GARNL3: variants seen among roughly 807,000 people sequenced by gnomAD.
GARNL3 encodes the protein GTPase-activating Rap/Ran-GAP domain-like protein 3.
Under a neutral mutation model 125.0 loss-of-function variants are expected in GARNL3, and 63 were observed. That is an observed-to-expected ratio of 0.50 (90% CI 0.41 to 0.62). The LOEUF is 0.62. Among genes scored for constraint, GARNL3 ranks in the 20% least tolerant of loss-of-function variants. GARNL3 has a pLI of 0.00. For synonymous variants in GARNL3, 439 were observed against 457.5 expected, an observed-to-expected ratio of 0.96 and a Z score of 0.52; for missense variants, 994 against 1,244.0, an observed-to-expected ratio of 0.80 and a Z score of 3.02.
intron 17 of GARNL3, among the ~76,000 whole-genome samples, chr9:127,350,324 G>A (rs983129964): frequency 6.6e-6 from 1 of 152,160 alleles, no homozygotes; most frequent in Non-Finnish European, 1.5e-5. Flanking sequence ...GAAAATCGGT[G>A]AAACAAAATG....
chr9:127,236,319 C>T (rs1312622104), intron 1 of GARNL3, among the ~76,000 whole-genome samples: 1 of 152,232 alleles, frequency 6.6e-6, no homozygotes, highest in Non-Finnish European at 1.5e-5. Flanking sequence ...GTTTTCTGCA[C>T]ACTTTTGAAT....
chr9:127,352,377 A>G (rs1054523052), intron 17 of GARNL3, among the ~76,000 whole-genome samples: 1 of 152,200 alleles, frequency 6.6e-6, no homozygotes, highest in Non-Finnish European at 1.5e-5. Context: ...AGCCCTTAGT[A>G]TATGTTACCT....
At chr9:127,279,383 A>T (rs1043859282) in intron 1 of GARNL3, among the ~76,000 whole-genome samples, 2 of 151,880 alleles carry the variant, frequency 1.3e-5, no homozygotes, top group African/African-American at 4.8e-5. Flanking sequence ...AATGGTAAAG[A>T]CCATTTTCTC....
chr9:127,261,643 C>T (rs150616219), upstream of GARNL3, among the ~76,000 whole-genome samples: 1,330 of 152,164 alleles, frequency 8.7e-3, 29 homozygotes, highest in African/African-American at 0.03. Flanking sequence ...GAACTCCCGA[C>T]CTCAGGTGAT....
intron 26 of GARNL3, among the ~76,000 whole-genome samples, chr9:127,389,646 A>C (rs986191390): frequency 1.3e-5 from 2 of 152,130 alleles, no homozygotes; most frequent in Admixed American, 1.3e-4. Context: ...TAACTATGGG[A>C]CTGGGCTCAC....
At chr9:127,387,443 C>A in intron 25 of GARNL3, 112 bp downstream of exon 25, 1 of 1,118,150 alleles carries the variant, frequency 8.9e-7, no homozygotes, top group Non-Finnish European at 1.2e-6. Flanking sequence ...CTATTTAAAG[C>A]CATTAAAAAA....
rs930878545 is a variant in GARNL3, at chr9:127,385,932, A to C, written c.2388+787A>C. 2.0e-5 allele frequency among the ~76,000 whole-genome samples: 3 copies of C among 152,244 alleles called. No homozygotes were observed. The highest frequency in any genetic ancestry group is 4.4e-5 in the Non-Finnish European group (3 of 68,044). On this transcript the variant is annotated intron_variant, in intron 24 of 27. Coordinates refer to ENST00000373387, the MANE Select transcript of GARNL3 (RefSeq NM_032293.5). This position sits in a 1 kb window ranked among gnomAD's most constrained non-coding sequence, Gnocchi z 4.1. The stretch of plus-strand genomic sequence containing the variant: ...TGCTCTGGAAAATGTGTGTGTGTGC[A>C]CATATGTGCATATATGTATGATATG...
chr9:127,359,474 G>A (rs1358128664), intron 21 of GARNL3, among the ~76,000 whole-genome samples: 2 of 149,594 alleles, frequency 1.3e-5, no homozygotes, highest in Non-Finnish European at 3.0e-5. Flanking sequence ...TGGCGACAGA[G>A]TGAGACTCCG....
chr9:127,313,733 G>A (rs1327181133), intron 4 of GARNL3, among the ~76,000 whole-genome samples, 174 bp downstream of exon 4: 1 of 151,896 alleles, frequency 6.6e-6, no homozygotes, highest in Non-Finnish European at 1.5e-5. Context: ...TTCTGCACCA[G>A]GAGACTGTTT....
rs1017997475 is a variant in GARNL3 at position 127,316,921 on chromosome 9, C to T, written c.439-1142C>T. Reference sequence around the variant, plus strand: ...CAATAGCACAAGAAAAATCATATTTCTTTGCCCATTCCCTAAAAGAAATGT... The same window carrying T: ...CAATAGCACAAGAAAAATCATATTTTTTTGCCCATTCCCTAAAAGAAATGT... On this transcript the variant is annotated intron_variant, in intron 4 of 27. Transcript: ENST00000373387. 2.0e-5 allele frequency among the ~76,000 whole-genome samples: 3 copies of T among 152,222 alleles called. No homozygotes were observed. The South Asian group carries it at 6.2e-4, about 32-fold the overall frequency.
At chr9:127,283,138 A>G (rs536791789) in intron 1 of GARNL3, among the ~76,000 whole-genome samples, 3 of 152,302 alleles carry the variant, frequency 2.0e-5, no homozygotes, top group Admixed American at 2.0e-4. Flanking sequence ...TTCACTACTT[A>G]ACTAACTGAA....
At position 127,239,477 on chromosome 9, in the gene GARNL3, C is replaced by T. The variant is rs1375819215; in HGVS notation, c.-28-3602C>T. Among the ~76,000 whole-genome samples, 3 of 152,340 alleles carry T rather than the reference C, an allele frequency of 2.0e-5. No individual in the cohort carries two copies. In the South Asian group the frequency reaches 6.2e-4, roughly 32 times the overall value. ...TCAATGATCTCTTTCAGTTTGTCTA[C>T]ACTTAATCATATGTAGCAGATCTCA... is the stretch of plus-strand genomic sequence containing the variant. On this transcript the variant is annotated intron_variant, in intron 1 of 10. Coordinates refer to the GARNL3 transcript ENST00000439286.
At position 127,264,927 on chromosome 9, in the gene GARNL3, T is replaced by C. The variant is rs749428766; in HGVS notation, c.50T>C (p.Ile17Thr). 1.2e-6 allele frequency: 2 copies of C among 1,613,412 alleles called. No individual in the cohort carries two copies. Among genetic ancestry groups the C allele is most frequent in the Admixed American group, 1.7e-5 (1 of 59,944 alleles). The change falls in exon 1 of 28, where the codon ATA becomes ACA. Residue 17 changes from isoleucine to threonine, a missense_variant. By Grantham distance (89) the Ile-to-Thr change is moderately conservative. This residue lies in a region of GARNL3 where 37 missense variants were observed against 34.2 expected (regional missense o/e 1.08). Coordinates refer to ENST00000373387, the MANE Select transcript of GARNL3 (RefSeq NM_032293.5). ...RRFVARSLCI[I>T]LMKHFCSSSV... ...TTTGTGGCCAGATCGCTATGTATAATACTGATGAAGCATTTTTGTTCCAGC... is the reference window on the plus strand; with the variant it reads ...TTTGTGGCCAGATCGCTATGTATAACACTGATGAAGCATTTTTGTTCCAGC...
chr9:127,315,695 C>G (rs1201586396), intron 4 of GARNL3, among the ~76,000 whole-genome samples: 1 of 151,962 alleles, frequency 6.6e-6, no homozygotes, highest in African/African-American at 2.4e-5. Flanking sequence ...ACATATAACT[C>G]TACTCTACAC....
At chr9:127,245,884 A>C (rs906946058) in intron 2 of GARNL3, among the ~76,000 whole-genome samples, 3 of 151,464 alleles carry the variant, frequency 2.0e-5, no homozygotes, top group African/African-American at 7.3e-5. Flanking sequence ...CCATCTCTTA[A>C]CCTCAGCGCA....
intron 2 of GARNL3, among the ~76,000 whole-genome samples, chr9:127,296,407 G>A (rs1360246994): frequency 6.6e-6 from 1 of 150,772 alleles, no homozygotes; most frequent in African/African-American, 2.4e-5. Flanking sequence ...CAACATGGAA[G>A]CTCCCTAAGC....
chr9:127,323,659 G>A (rs901806297), intron 6 of GARNL3, among the ~76,000 whole-genome samples: 1 of 152,174 alleles, frequency 6.6e-6, no homozygotes, highest in Non-Finnish European at 1.5e-5. Flanking sequence ...TAAAAGGACT[G>A]GGCGTGAGAT....
intron 1 of GARNL3, among the ~76,000 whole-genome samples, chr9:127,239,526 A>G (rs1278587256): frequency 1.3e-5 from 2 of 151,762 alleles, no homozygotes; most frequent in Non-Finnish European, 1.5e-5. Context: ...GAATTTGGCC[A>G]CTCTCTTGTT....
chr9:127,249,869 TGTG>T, intron 2 of GARNL3, among the ~76,000 whole-genome samples: 1 of 151,878 alleles, frequency 6.6e-6, no homozygotes, highest in Non-Finnish European at 1.5e-5. Context: ...ATTAGCCAGA[TGTG>T]GTGGTGGACG....
Sources: gnomAD v4.1 joint callset for allele counts (sites outside exome capture counted in the v4.1 genomes callset) on GRCh38, gnomAD v4.1.1 for gene constraint, gnomAD v4.1.1 regional missense constraint, Gnocchi (gnomAD v3.1) non-coding constraint, MANE v1.5 for transcripts, NCBI Gene and HGNC (gene_info 2026-07-23, HGNC 2026-07-21) for gene names.